GHR: variants seen among roughly 807,000 people sequenced by gnomAD.
GHR encodes the protein GH receptor.
Under a neutral mutation model 67.1 loss-of-function variants are expected in GHR, and 35 were observed. That is an observed-to-expected ratio of 0.52 (90% CI 0.40 to 0.69). The LOEUF (loss-of-function observed/expected upper bound fraction) is 0.69. Among genes scored for constraint, GHR ranks in the 30% least tolerant of loss-of-function variants. GHR has a pLI of 0.00. For missense variants in GHR, 792 were observed against 764.6 expected, an observed-to-expected ratio of 1.04 and a Z score of -0.42; for synonymous variants, 272 against 269.1, an observed-to-expected ratio of 1.01 and a Z score of -0.10.
At chr5:42,640,375 G>A (rs568358630) in intron 3 of GHR, among the ~76,000 whole-genome samples, 1 of 152,178 alleles carries the variant, frequency 6.6e-6, no homozygotes, top group South Asian at 2.1e-4. Flanking sequence ...GGAGCGAGTA[G>A]GAACATAGAA....
intron 1 of GHR, among the ~76,000 whole-genome samples, chr5:42,531,126 G>A (rs1290032152): frequency 6.6e-6 from 1 of 152,024 alleles, no homozygotes; most frequent in Non-Finnish European, 1.5e-5. Context: ...AAATTAGCCA[G>A]ACATGGTGGT....
At chr5:42,607,234 C>T (rs1385801852) in intron 2 of GHR, among the ~76,000 whole-genome samples, 1 of 152,042 alleles carries the variant, frequency 6.6e-6, no homozygotes, top group Non-Finnish European at 1.5e-5. Flanking sequence ...TTTAAGTTAC[C>T]CAGTCTCAGG....
chr5:42,563,620 G>A (rs1182627649), intron 1 of GHR, among the ~76,000 whole-genome samples: 5 of 69,088 alleles, frequency 7.2e-5, no homozygotes, highest in Non-Finnish European at 1.1e-4. Flanking sequence ...GCGAGACTCC[G>A]TCTCAAAAAA....
chr5:42,583,856 G>A (rs1579993666), intron 2 of GHR, among the ~76,000 whole-genome samples: 1 of 147,028 alleles, frequency 6.8e-6, no homozygotes, highest in African/African-American at 2.5e-5. Context: ...AAAAAATAAA[G>A]ATATATATAT....
At chr5:42,616,139 G>C (rs1753136053) in intron 2 of GHR, among the ~76,000 whole-genome samples, 1 of 152,062 alleles carries the variant, frequency 6.6e-6, no homozygotes, top group Non-Finnish European at 1.5e-5. Flanking sequence ...GAAGCCACTA[G>C]AGAATTTTAG....
rs71608658 is a variant in GHR, at chr5:42,670,865, TAAAA to T, written c.137-18012_137-18009del. Among the ~76,000 whole-genome samples the T allele has an allele frequency of 8.9e-5, 10 of 112,162 alleles. No individual in the cohort carries two copies. In the South Asian group the frequency reaches 1.2e-3, roughly 14 times the overall value. The allele number at this position is 112,162 out of a possible 152,430, so 73.6% of individuals were successfully genotyped here. A position where few individuals can be genotyped will look rare whatever the true frequency, so the allele number is the denominator to read the frequency against. On this transcript the variant is annotated intron_variant, in intron 3 of 9. Coordinates refer to ENST00000230882, the MANE Select transcript of GHR (RefSeq NM_000163.5). ...ATTTTTTTTAAAAAAAAGCAAAAAT[TAAAA>T]AAAAAAAAAAAATATATATATATAT...
At chr5:42,655,098 A>G (rs1181848968) in intron 3 of GHR, among the ~76,000 whole-genome samples, 1 of 152,106 alleles carries the variant, frequency 6.6e-6, no homozygotes, top group Non-Finnish European at 1.5e-5. Context: ...TAGCGAATAC[A>G]TTTTTAGGAA....
At chr5:42,560,577 ACTC>A (rs2112455119) in intron 1 of GHR, among the ~76,000 whole-genome samples, 1 of 151,304 alleles carries the variant, frequency 6.6e-6, no homozygotes, top group South Asian at 2.1e-4. Context: ...TTCACATGAT[ACTC>A]CTCATCTCTA....
At chr5:42,507,311 C>A (rs1422037255) in intron 1 of GHR, among the ~76,000 whole-genome samples, 1 of 152,198 alleles carries the variant, frequency 6.6e-6, no homozygotes, top group Non-Finnish European at 1.5e-5. Context: ...AAACTATTTG[C>A]AGAGCTGGAG....
At chr5:42,629,698 G>C (rs1480750363) in intron 3 of GHR, among the ~76,000 whole-genome samples, 1 of 130,902 alleles carries the variant, frequency 7.6e-6, no homozygotes, top group Admixed American at 7.4e-5. Flanking sequence ...TTTTTTGCTT[G>C]TGCTTGGAGG....
intron 1 of GHR, among the ~76,000 whole-genome samples, chr5:42,521,458 C>A (rs1030460868): frequency 6.6e-6 from 1 of 152,154 alleles, no homozygotes; most frequent in African/African-American, 2.4e-5. Context: ...TTATTCTAGG[C>A]CTTTCAGGTG....
intron 2 of GHR, among the ~76,000 whole-genome samples, chr5:42,608,347 G>T (rs1317926724): frequency 6.6e-6 from 1 of 152,000 alleles, no homozygotes; most frequent in African/African-American, 2.4e-5. Context: ...GTAGTACAAA[G>T]TTAATCGCTC....
chr5:42,661,272 C>T (rs576870695), intron 3 of GHR, among the ~76,000 whole-genome samples: 37 of 152,236 alleles, frequency 2.4e-4, no homozygotes, highest in African/African-American at 8.4e-4. Flanking sequence ...AGATATTCCT[C>T]GAGAAGAGCA....
rs993874827 is a variant in GHR at position 42,720,772 on chromosome 5, A to T, written c.*1348A>T. On this transcript the variant is annotated 3_prime_UTR_variant, in exon 10 of 10. Coordinates refer to ENST00000230882, the MANE Select transcript of GHR (RefSeq NM_000163.5). ...TCTCACTAAATCTTTTATAGGATTT[A>T]TTTAAAATAGCAAAAGAAGAAGTTT... is the stretch of plus-strand genomic sequence containing the variant. The T allele has an allele frequency of 2.0e-5, 3 of 152,222 alleles. No homozygotes were observed. The highest frequency in any genetic ancestry group is 7.2e-5 in the African/African-American group (3 of 41,468). The allele number at this position is 152,222 out of a possible 1,614,324, so 9.4% of individuals were successfully genotyped here.
At chr5:42,543,706 T>G (rs892167717) in intron 1 of GHR, among the ~76,000 whole-genome samples, 1 of 152,166 alleles carries the variant, frequency 6.6e-6, no homozygotes, top group Non-Finnish European at 1.5e-5. Flanking sequence ...CTTTACTCAG[T>G]AATTACTGTG....
chr5:42,524,091 G>T (rs999367000), intron 1 of GHR, among the ~76,000 whole-genome samples: 4 of 152,284 alleles, frequency 2.6e-5, no homozygotes, highest in Admixed American at 2.6e-4. Context: ...CCAGTAGAGT[G>T]GGGTATTGCT....
chr5:42,482,549 C>T (rs1017582222), intron 1 of GHR, among the ~76,000 whole-genome samples: 7 of 152,198 alleles, frequency 4.6e-5, no homozygotes, highest in South Asian at 2.1e-4. Flanking sequence ...GCTTCCTGGC[C>T]GCTTTATTTA....
chr5:42,538,991 G>T (rs2112370083), intron 1 of GHR, among the ~76,000 whole-genome samples: 1 of 151,984 alleles, frequency 6.6e-6, no homozygotes, highest in South Asian at 2.1e-4. Context: ...AGAGCGTTTT[G>T]CATTTCTATA....
At chr5:42,504,709 A>G (rs763357225) in intron 1 of GHR, among the ~76,000 whole-genome samples, 1 of 152,124 alleles carries the variant, frequency 6.6e-6, no homozygotes, top group Non-Finnish European at 1.5e-5. Context: ...CAGTGAGCCG[A>G]GATCGCACCA....
Sources: gnomAD v4.1 joint callset for allele counts (sites outside exome capture counted in the v4.1 genomes callset) on GRCh38, gnomAD v4.1.1 for gene constraint, MANE v1.5 for transcripts, NCBI Gene and HGNC (gene_info 2026-07-23, HGNC 2026-07-21) for gene names.